KLF17: variants seen among roughly 807,000 people sequenced by gnomAD.
KLF17 encodes the protein Krueppel-like factor 17.
Under a neutral mutation model 34.2 loss-of-function variants are expected in KLF17, and 31 were observed. The ratio of observed to expected loss-of-function variants is 0.91; its 90% CI spans 0.68 to 1.22. The LOEUF (loss-of-function observed/expected upper bound fraction) is 1.22. Among genes scored for constraint, KLF17 ranks in the 50% most tolerant of loss-of-function variants. The pLI, the probability that KLF17 is intolerant of heterozygous loss-of-function variation, is 0.00. For missense variants in KLF17, 478 were observed against 505.2 expected (o/e 0.95, Z 0.52); for synonymous variants, 179 against 186.7 (o/e 0.96, Z 0.34).
intron 1 of KLF17, chr1:44,122,657 C>T (rs1215346250): frequency 2.0e-5 from 12 of 590,526 alleles, no homozygotes; most frequent in East Asian, 9.3e-5. Context: ...TGCAGTGGCA[C>T]GATCTTGGCT....
chr1:44,100,616 TGTTTTG>T, the KLF17 span, among the ~76,000 whole-genome samples: 5 of 150,036 alleles, frequency 3.3e-5, no homozygotes, highest in East Asian at 2.0e-4. Flanking sequence ...CGCACTTGGC[TGTTTTG>T]TTTTTGTTTT....
At chr1:44,054,568 C>T in the KLF17 span, among the ~76,000 whole-genome samples, 2 of 150,388 alleles carry the variant, frequency 1.3e-5, no homozygotes, top group African/African-American at 4.9e-5. Flanking sequence ...GCAAGCTCCA[C>T]CTCCCGGGTT....
In KLF17 at chr1:44,133,351, C is replaced by T. The variant is rs1306544190; in HGVS notation, c.*114C>T. On this transcript the variant is annotated 3_prime_UTR_variant, in exon 4 of 4. Transcript: ENST00000372299. ...TTCAGAAAAATGTTTTTTGAGCCTA[C>T]AATACTGAGCGCAACAAGGCTGTGG... 6.6e-6 allele frequency: 1 copy of T among 152,204 alleles called. No individual in the cohort carries two copies. The highest frequency in any genetic ancestry group is 2.4e-5 in the African/African-American group (1 of 41,418). 9.4% of individuals were successfully genotyped at this position (152,204 alleles called of 1,614,324 possible).
the KLF17 span, among the ~76,000 whole-genome samples, chr1:44,092,627 TCTTTAG>T: frequency 6.6e-6 from 1 of 151,148 alleles, no homozygotes; most frequent in South Asian, 2.1e-4. Context: ...GACAAATCAC[TCTTTAG>T]CTTTTTTTTT....
chr1:44,074,363 T>G, the KLF17 span, among the ~76,000 whole-genome samples: 1 of 152,186 alleles, frequency 6.6e-6, no homozygotes, highest in Non-Finnish European at 1.5e-5. Flanking sequence ...TGCCTTTTGA[T>G]GCCACCATTG....
At chr1:44,104,583 T>A in the KLF17 span, 1 of 612,900 alleles carries the variant, frequency 1.6e-6, no homozygotes, top group Non-Finnish European at 3.0e-6. Flanking sequence ...ACAGCAGTGA[T>A]GCCTCCCATG....
the KLF17 span, among the ~76,000 whole-genome samples, chr1:44,072,828 G>A: frequency 3.3e-4 from 50 of 152,278 alleles, no homozygotes; most frequent in African/African-American, 1.2e-3. Flanking sequence ...GTAAGAGGCT[G>A]GAGAGAAGAG....
At chr1:44,095,965 A>AG in the KLF17 span, among the ~76,000 whole-genome samples, 5 of 152,028 alleles carry the variant, frequency 3.3e-5, no homozygotes, top group Non-Finnish European at 7.4e-5. Flanking sequence ...TTTTTGAGAC[A>AG]GAGTCTTGCT....
chr1:44,083,989 A>G, the KLF17 span, among the ~76,000 whole-genome samples: 2 of 152,142 alleles, frequency 1.3e-5, no homozygotes, highest in East Asian at 3.9e-4. Context: ...CAGTTTCACC[A>G]GGGTGATTGT....
the KLF17 span, among the ~76,000 whole-genome samples, chr1:44,062,690 T>C: frequency 1.4e-5 from 2 of 147,248 alleles, no homozygotes; most frequent in South Asian, 4.3e-4. Flanking sequence ...TACTCCAGCC[T>C]GAGTGACAGA....
the KLF17 span, among the ~76,000 whole-genome samples, chr1:44,097,233 TTGG>T: frequency 6.6e-6 from 1 of 152,192 alleles, no homozygotes; most frequent in Admixed American, 6.5e-5. Flanking sequence ...CCATGCTGTT[TTGG>T]TACCAGTACC....
chr1:44,121,099 G>A (rs779144389), intron 1 of KLF17, among the ~76,000 whole-genome samples: 17 of 151,924 alleles, frequency 1.1e-4, no homozygotes, highest in African/African-American at 2.9e-4. Flanking sequence ...ATAATCAAAC[G>A]TATCAAAATT....
At chr1:44,058,205 C>T in the KLF17 span, among the ~76,000 whole-genome samples, 1 of 152,202 alleles carries the variant, frequency 6.6e-6, no homozygotes, top group Non-Finnish European at 1.5e-5. Context: ...GTAGAAAAAG[C>T]TAATGTTTTT....
At chr1:44,053,536 G>C in the KLF17 span, among the ~76,000 whole-genome samples, 1 of 152,046 alleles carries the variant, frequency 6.6e-6, no homozygotes, top group African/African-American at 2.4e-5. Context: ...TATCCAACAG[G>C]TCCTGGCCCA....
the KLF17 span, among the ~76,000 whole-genome samples, chr1:44,053,878 A>G: frequency 6.6e-6 from 1 of 152,240 alleles, no homozygotes; most frequent in Admixed American, 6.5e-5. Flanking sequence ...GTGAACATGC[A>G]GATGGAGTAG....
At chr1:44,118,337 G>T (rs960475292), upstream of KLF17, among the ~76,000 whole-genome samples, 1 of 152,200 alleles carries the variant, frequency 6.6e-6, no homozygotes, top group Non-Finnish European at 1.5e-5. Context: ...TAAACAGGTT[G>T]TGCCATGAAG....
At chr1:44,080,406 T>G in the KLF17 span, among the ~76,000 whole-genome samples, 6 of 151,172 alleles carry the variant, frequency 4.0e-5, no homozygotes, top group African/African-American at 7.3e-5. Context: ...CCCTGGCTAA[T>G]TTTTTATATT....
the KLF17 span, among the ~76,000 whole-genome samples, chr1:44,108,465 C>T: frequency 6.6e-6 from 1 of 151,900 alleles, no homozygotes; most frequent in African/African-American, 2.4e-5. Flanking sequence ...CCCATGAATG[C>T]AGGGGATTGG....
the KLF17 span, among the ~76,000 whole-genome samples, chr1:44,084,992 C>T: frequency 1.3e-5 from 2 of 150,498 alleles, no homozygotes; most frequent in African/African-American, 4.9e-5. Flanking sequence ...TTTACAAATA[C>T]CCTTTGTGGT....
Sources: allele counts gnomAD v4.1 joint callset (sites outside exome capture counted in the v4.1 genomes callset), GRCh38; gene constraint gnomAD v4.1.1; transcripts MANE v1.5; gene names NCBI Gene and HGNC (gene_info 2026-07-23, HGNC 2026-07-21).